The following SPATA17 variants were observed in gnomAD, a reference collection of about 807,000 sequenced individuals.
The protein encoded by SPATA17 is spermatogenesis-associated protein 17.
SPATA17 carries 53 observed loss-of-function variants against 62.2 expected under a neutral mutation model. That is an observed-to-expected ratio of 0.85 (90% CI 0.68 to 1.07). The LOEUF is 1.07. SPATA17 is among the 50% of genes least tolerant of loss of function. The pLI is 0.00. For synonymous variants in SPATA17, 146 were observed against 146.8 expected (o/e 0.99, Z 0.04); for missense variants, 466 against 425.5 (o/e 1.10, Z -0.84).
Position 217,768,635 on chromosome 1 carries a change from G to T in SPATA17, c.520-5699G>T, listed in dbSNP as rs556045114. 1.9e-3 allele frequency among the ~76,000 whole-genome samples: 287 copies of T among 151,790 alleles called. 1 individual carries two copies. The highest frequency in any genetic ancestry group is 6.5e-3 in the African/African-American group (270 of 41,390). The stretch of plus-strand genomic sequence containing the variant: ...GCCTCCTGAGTAGCTGGGATTACAG[G>T]TGCCCCACCACCACACCCAGCTAAT... On this transcript the variant is annotated intron_variant, in intron 6 of 10. Transcript: ENST00000366933.
intron 5 of SPATA17, among the ~76,000 whole-genome samples, chr1:217,719,535 C>T (rs1208502860): frequency 6.6e-6 from 1 of 152,286 alleles, no homozygotes; most frequent in South Asian, 2.1e-4. Context: ...GAATGAAGCA[C>T]TTCATATAAA....
intron 8 of SPATA17, among the ~76,000 whole-genome samples, chr1:217,795,079 A>G (rs1192113377): frequency 6.6e-6 from 1 of 152,180 alleles, no homozygotes; most frequent in East Asian, 1.9e-4. Flanking sequence ...TTTCCAAATT[A>G]TGTCTCTTAA....
intron 9 of SPATA17, among the ~76,000 whole-genome samples, chr1:217,843,984 T>TTTTTCCCTATG (rs1305586785): frequency 6.6e-6 from 1 of 152,092 alleles, no homozygotes. Context: ...TTTATCAGGA[T>TTTTTCCCTATG]TTTTCCCTAT....
chr1:217,871,293 GCT>G lies in SPATA17; in HGVS notation c.*4277_*4278del, dbSNP rs1228315855. 3.3e-5 allele frequency: 5 copies of G among 151,846 alleles called. No individual in the cohort carries two copies. In the East Asian group the frequency reaches 7.7e-4, roughly 23 times the overall value. The allele number at this position is 151,846 out of a possible 1,614,324, so 9.4% of individuals were successfully genotyped here. A position where few individuals can be genotyped will look rare whatever the true frequency, so the allele number is the denominator to read the frequency against. ...ATCTTGTTATTTTATCCCCTTTTTT[GCT>G]CTGTTTTTTCACATTTATGGCCTAC... is the stretch of plus-strand genomic sequence containing the variant. On this transcript the variant is annotated 3_prime_UTR_variant, in exon 11 of 11. Transcript: ENST00000366933.
intron 1 of SPATA17, among the ~76,000 whole-genome samples, chr1:217,631,937 C>T (rs1336811874): frequency 6.6e-6 from 1 of 152,132 alleles, no homozygotes; most frequent in Non-Finnish European, 1.5e-5. Flanking sequence ...AATCCCAGCA[C>T]TTTGGGAGGC....
rs1221993188 is a variant in SPATA17, at chr1:217,727,899, A to G, written c.396-14076A>G. Among the ~76,000 whole-genome samples, 6 of 152,188 alleles carry G rather than the reference A, an allele frequency of 3.9e-5. 1 individual carries two copies. The highest frequency in any genetic ancestry group is 1.4e-4 in the African/African-American group (6 of 41,452). On this transcript the variant is annotated intron_variant, in intron 5 of 10. Transcript: ENST00000366933. ...CTTTTTCCATCTGCAAAAATATGTC[A>G]TAAAGTTGTTTAAATGTTAATACAT...
chr1:217,639,484 T>C (rs991446120), intron 1 of SPATA17, among the ~76,000 whole-genome samples: 4 of 152,086 alleles, frequency 2.6e-5, no homozygotes, highest in Admixed American at 6.6e-5. Flanking sequence ...GATCTCAAGA[T>C]AGAGGAAGAA....
At chr1:217,851,011 G>C (rs1675653089) in intron 9 of SPATA17, among the ~76,000 whole-genome samples, 1 of 152,176 alleles carries the variant, frequency 6.6e-6, no homozygotes, top group Non-Finnish European at 1.5e-5. Flanking sequence ...ATTTTTACTT[G>C]AGACTTAATG....
At chr1:217,670,387 G>T (rs761115725) in intron 4 of SPATA17, among the ~76,000 whole-genome samples, 1 of 152,092 alleles carries the variant, frequency 6.6e-6, no homozygotes, top group Non-Finnish European at 1.5e-5. Context: ...TTAGAAAGGT[G>T]CGTACTTTTG....
chr1:217,772,622 T>C (rs1019497309), intron 6 of SPATA17, among the ~76,000 whole-genome samples: 1 of 152,180 alleles, frequency 6.6e-6, no homozygotes, highest in Non-Finnish European at 1.5e-5. Flanking sequence ...ATTAAGATAT[T>C]TATGTTGCTT....
intron 3 of SPATA17, among the ~76,000 whole-genome samples, chr1:217,661,121 T>C (rs1355946769): frequency 1.3e-5 from 2 of 152,092 alleles, no homozygotes; most frequent in African/African-American, 4.8e-5. Flanking sequence ...TCTAGATCCA[T>C]AGTTATAAGA....
intron 4 of SPATA17, among the ~76,000 whole-genome samples, chr1:217,678,490 G>A (rs1319170535): frequency 6.6e-6 from 1 of 151,844 alleles, no homozygotes; most frequent in Non-Finnish European, 1.5e-5. Flanking sequence ...TTACAGGCAT[G>A]AGCCACCGCT....
intron 4 of SPATA17, among the ~76,000 whole-genome samples, chr1:217,682,133 C>T (rs1351794263): frequency 6.6e-6 from 1 of 152,076 alleles, no homozygotes; most frequent in African/African-American, 2.4e-5. Context: ...TGTGCTATTT[C>T]TTTTTCCTCC....
intron 7 of SPATA17, chr1:217,781,209 T>A (rs1673719670): frequency 1.3e-5 from 2 of 152,194 alleles, no homozygotes; most frequent in South Asian, 4.1e-4. Context: ...GAGGCGTGAA[T>A]CATTTCTTTT....
At chr1:217,820,850 G>A (rs946337634) in intron 9 of SPATA17, among the ~76,000 whole-genome samples, 2 of 151,942 alleles carry the variant, frequency 1.3e-5, no homozygotes, top group Non-Finnish European at 2.9e-5. Context: ...CTGAAGCCGG[G>A]TAGTTTTTAA....
rs536168061 is a variant in SPATA17 at position 217,864,452 on chromosome 1, C to T, written c.*2+1596C>T. Among the ~76,000 whole-genome samples the T allele has an allele frequency of 5.3e-5, 8 of 152,084 alleles. No homozygotes were observed. In the South Asian group the frequency reaches 1.2e-3, roughly 24 times the overall value. ...GGAAAAGAAGACGGGATTCAAAGTA[C>T]GCTGTGTAGTCTTATTTCACTTAAA... On this transcript the variant is annotated intron_variant, in intron 10 of 10. Transcript: ENST00000366933.
rs377174022 is a variant in SPATA17, at chr1:217,798,387, C to T, written c.873-3331C>T. On this transcript the variant is annotated intron_variant, in intron 8 of 10. Transcript: ENST00000366933. ...AACTTGAAAAGTAAATAATTTTATA[C>T]CTACTTTGAGAATAAGAAAAAGTAT... is the stretch of plus-strand genomic sequence containing the variant. Among the ~76,000 whole-genome samples the T allele has an allele frequency of 1.6e-4, 24 of 152,188 alleles. No homozygotes were observed. In the East Asian group the frequency reaches 2.7e-3, roughly 17 times the overall value.
intron 9 of SPATA17, among the ~76,000 whole-genome samples, chr1:217,813,561 A>G (rs1200847686): frequency 6.6e-6 from 1 of 152,186 alleles, no homozygotes; most frequent in African/African-American, 2.4e-5. Context: ...TCATTTCATT[A>G]GTAAATGTAA....
At chr1:217,752,929 T>G (rs1672950122) in intron 6 of SPATA17, among the ~76,000 whole-genome samples, 1 of 152,146 alleles carries the variant, frequency 6.6e-6, no homozygotes, top group Non-Finnish European at 1.5e-5. Context: ...TAACAAATAT[T>G]AAGTATATGT....
Sources: gnomAD v4.1 joint callset for allele counts (sites outside exome capture counted in the v4.1 genomes callset) on GRCh38, gnomAD v4.1.1 for gene constraint, MANE v1.5 for transcripts, NCBI Gene and HGNC (gene_info 2026-07-23, HGNC 2026-07-21) for gene names.